The following FOCAD variants were observed in gnomAD, a reference collection of about 807,000 sequenced individuals.
FOCAD encodes focadhesin.
A neutral mutation model predicts 225.6 loss-of-function variants in FOCAD; 198 were observed. That is an observed-to-expected ratio of 0.88 (90% CI 0.78 to 0.99). The LOEUF is 0.99. FOCAD is among the 50% of genes least tolerant of loss of function. FOCAD has a pLI of 0.00. For synonymous variants in FOCAD, 897 were observed against 755.0 expected, an observed-to-expected ratio of 1.19 and a Z score of -3.08; for missense variants, 2,713 against 2,123.6, an observed-to-expected ratio of 1.28 and a Z score of -5.46.
At chr9:20,791,543 C>T (rs923024145) in intron 11 of FOCAD, among the ~76,000 whole-genome samples, 2 of 152,076 alleles carry the variant, frequency 1.3e-5, no homozygotes, top group Non-Finnish European at 2.9e-5. Context: ...GTATTTAGAA[C>T]ATTCATGGTC....
chr9:20,882,272 G>T (rs1030345305), intron 20 of FOCAD, among the ~76,000 whole-genome samples: 4 of 152,176 alleles, frequency 2.6e-5, no homozygotes, highest in Non-Finnish European at 1.5e-5. Context: ...TAACATTTTA[G>T]AACTGTTTTC....
At chr9:20,982,944 T>G (rs1343725803) in intron 39 of FOCAD, among the ~76,000 whole-genome samples, 1 of 152,252 alleles carries the variant, frequency 6.6e-6, no homozygotes, top group African/African-American at 2.4e-5. Flanking sequence ...CACTTGTATT[T>G]GAATGGCAGT....
intron 1 of FOCAD, among the ~76,000 whole-genome samples, chr9:20,685,229 T>A (rs978313638): frequency 6.8e-6 from 1 of 147,648 alleles, no homozygotes; most frequent in African/African-American, 2.5e-5. Context: ...CAGGTTCTAG[T>A]ATCCCTGAAA....
intron 8 of FOCAD, among the ~76,000 whole-genome samples, chr9:20,772,286 T>G (rs10120279): frequency 0.31 from 47,819 of 151,986 alleles, 8,298 homozygotes; most frequent in Non-Finnish European, 0.39. Flanking sequence ...GTATGGATCA[T>G]ACATCGTTGG....
chr9:20,911,663 TG>T (rs1338152896), intron 22 of FOCAD, among the ~76,000 whole-genome samples: 1 of 152,150 alleles, frequency 6.6e-6, no homozygotes, highest in Non-Finnish European at 1.5e-5. Context: ...AGATATTTGT[TG>T]GCCACTTTTT....
chr9:20,952,919 C>G, intron 34 of FOCAD, 66 bp from the exon 35 acceptor site: 2 of 1,251,962 alleles, frequency 1.6e-6, no homozygotes, highest in Non-Finnish European at 2.3e-6. Context: ...AGCATGAGAT[C>G]ATTATCTTTC....
chr9:20,995,670 G>T lies in FOCAD; in HGVS notation c.*41G>T. 1 of 1,569,922 alleles carries T rather than the reference G, an allele frequency of 6.4e-7. No homozygotes were observed. The highest frequency in any genetic ancestry group is 1.1e-5 in the South Asian group (1 of 89,820). ...CCAGCAGCATTCTCAGCTGGATGAG[G>T]AAAACCATATAAGTGGAAGAAGTTT... On this transcript the variant is annotated 3_prime_UTR_variant, in exon 44 of 44. Transcript: ENST00000338382.
chr9:20,954,991 C>T (rs568183811), intron 35 of FOCAD, among the ~76,000 whole-genome samples: 1 of 152,292 alleles, frequency 6.6e-6, no homozygotes, highest in South Asian at 2.1e-4. Context: ...TCAATATACC[C>T]AGCTCATTTG....
chr9:20,913,145 TACACACACACACACACACACACAC>T (rs56856864), intron 23 of FOCAD, among the ~76,000 whole-genome samples, 191 bp downstream of exon 23: 3 of 137,252 alleles, frequency 2.2e-5, no homozygotes, highest in South Asian at 2.4e-4. Flanking sequence ...AAATTATACA[TACACACACACACACACACACACAC>T]ACACACACAC....
intron 15 of FOCAD, among the ~76,000 whole-genome samples, chr9:20,856,347 G>A (rs1035018878): frequency 1.3e-5 from 2 of 151,510 alleles, no homozygotes; most frequent in Non-Finnish European, 3.0e-5. Flanking sequence ...CTCTGATGAC[G>A]TTGAGCATTT....
chr9:20,785,170 G>A (rs779624698), intron 10 of FOCAD, among the ~76,000 whole-genome samples: 7 of 151,996 alleles, frequency 4.6e-5, no homozygotes, highest in African/African-American at 7.3e-5. Context: ...AGTTAACTGA[G>A]GCATAAAGAA....
intron 2 of FOCAD, among the ~76,000 whole-genome samples, chr9:20,673,481 G>C (rs1045624250): frequency 6.6e-6 from 1 of 152,020 alleles, no homozygotes; most frequent in Non-Finnish European, 1.5e-5. Flanking sequence ...CTGTGGCTTT[G>C]ATTTGCATTC....
chr9:20,815,160 A>G (rs1316756049), intron 11 of FOCAD, among the ~76,000 whole-genome samples: 1 of 44,026 alleles, frequency 2.3e-5, no homozygotes, highest in African/African-American at 8.6e-5. Flanking sequence ...TTTTTGAGAC[A>G]GTCTCGCTTT....
upstream of FOCAD, among the ~76,000 whole-genome samples, chr9:20,679,507 C>CT (rs376382215): frequency 3.8e-4 from 57 of 151,852 alleles, no homozygotes; most frequent in African/African-American, 1.3e-3. Context: ...ACTACAGTGT[C>CT]TTTTTTTTGT....
chr9:20,855,908 A>G (rs1314416425), intron 15 of FOCAD, among the ~76,000 whole-genome samples: 1 of 151,360 alleles, frequency 6.6e-6, no homozygotes, highest in Non-Finnish European at 1.5e-5. Context: ...ATGTTGTTGC[A>G]AATGATAGGA....
chr9:20,919,195 G>A (rs1834149381), intron 24 of FOCAD, among the ~76,000 whole-genome samples: 1 of 152,122 alleles, frequency 6.6e-6, no homozygotes, highest in African/African-American at 2.4e-5. Context: ...GCCACATCAT[G>A]AGTGAACTCC....
At chr9:20,665,947 T>A (rs1157509720) in intron 2 of FOCAD, among the ~76,000 whole-genome samples, 2 of 151,986 alleles carry the variant, frequency 1.3e-5, no homozygotes, top group Non-Finnish European at 2.9e-5. Context: ...GAGGTTGGAG[T>A]GCAATGGCGT....
chr9:20,667,756 A>G lies in FOCAD; in HGVS notation c.-78+8930A>G, dbSNP rs572152927. 2.6e-5 allele frequency among the ~76,000 whole-genome samples: 4 copies of G among 152,330 alleles called. No homozygotes were observed. The East Asian group carries it at 7.7e-4, about 29-fold the overall frequency. On this transcript the variant is annotated intron_variant, in intron 2 of 45. Transcript: ENST00000380249. The stretch of plus-strand genomic sequence containing the variant: ...CAGTCTGTGGTGAGATTATGCGTGG[A>G]AAACCTTGGATTTCCAAAGAATTAA...
At chr9:20,979,117 T>C (rs1840462780) in intron 37 of FOCAD, among the ~76,000 whole-genome samples, 1 of 152,220 alleles carries the variant, frequency 6.6e-6, no homozygotes, top group Non-Finnish European at 1.5e-5. Context: ...AGTAAAGATG[T>C]ATAATTTTGA....
Sources: allele counts gnomAD v4.1 joint callset (sites outside exome capture counted in the v4.1 genomes callset), GRCh38; gene constraint gnomAD v4.1.1; transcripts MANE v1.5; gene names NCBI Gene and HGNC (gene_info 2026-07-23, HGNC 2026-07-21).